SACS: variants seen among roughly 807,000 people sequenced by gnomAD.
The protein encoded by SACS is sacsin molecular chaperone, also known as sacsin.
Under a neutral mutation model 348.0 loss-of-function variants are expected in SACS, and 197 were observed. That is an observed-to-expected ratio of 0.57 (90% CI 0.50 to 0.64). The LOEUF (loss-of-function observed/expected upper bound fraction) is 0.64. Among genes scored for constraint, SACS ranks in the 30% least tolerant of loss-of-function variants. SACS has a pLI of 0.00. For missense variants in SACS, 4,999 were observed against 5,360.8 expected (o/e 0.93, Z 2.11); for synonymous variants, 1,985 against 1,910.6 (o/e 1.04, Z -1.02).
At chr13:23,388,899 T>A (rs1872416562) in intron 2 of SACS, among the ~76,000 whole-genome samples, 1 of 152,048 alleles carries the variant, frequency 6.6e-6, no homozygotes. Context: ...TAAATAAATT[T>A]AATATAGTAT....
rs1407880633 is a variant in SACS at position 23,332,530 on chromosome 13, T to C, written c.11346A>G (p.Ala3782=). The C allele has an allele frequency of 1.2e-5, 20 of 1,613,870 alleles. No individual in the cohort carries two copies. The highest frequency in any genetic ancestry group is 2.2e-5 in the East Asian group (1 of 44,890). ...VLRSIYEFLS[A]EKREFRFQLR... is the part of the protein sequence containing the mutation. ...ACTGAAAACGAAATTCCCTTTTTTC[T>C]GCACTGAGGAATTCATATATGCTCC... The change falls in exon 10 of 10, where the codon GCA becomes GCG. Residue 3782 remains alanine (A), a synonymous_variant. Coordinates refer to ENST00000382292, the MANE Select transcript of SACS (RefSeq NM_014363.6).
At chr13:23,403,177 TA>T (rs879882036) in intron 2 of SACS, among the ~76,000 whole-genome samples, 453 of 138,726 alleles carry the variant, frequency 3.3e-3, no homozygotes, top group Middle Eastern at 3.7e-3. Flanking sequence ...GACTCCACCT[TA>T]AAAAAAAAAA....
intron 7 of SACS, among the ~76,000 whole-genome samples, chr13:23,357,496 G>A (rs559206459): frequency 6.6e-6 from 1 of 152,288 alleles, no homozygotes; most frequent in African/African-American, 2.4e-5. Flanking sequence ...CAGGCCAGTA[G>A]TCTGAGAATA....
Position 23,365,149 on chromosome 13 carries a change from T to A in SACS, c.457+17A>T. The stretch of plus-strand genomic sequence containing the variant: ...TAGTGCATACAATAAAATTTGTTCC[T>A]AATTATTGATTCTTACCCTGATATG... On this transcript the variant is annotated intron_variant, in intron 6 of 9. Coordinates refer to ENST00000382292, the MANE Select transcript of SACS (RefSeq NM_014363.6). 1 of 1,542,708 alleles carries A rather than the reference T, an allele frequency of 6.5e-7. No individual in the cohort carries two copies. The highest frequency in any genetic ancestry group is 8.9e-7 in the Non-Finnish European group (1 of 1,119,508).
Position 23,330,119 on chromosome 13 carries a change from T to C in SACS, c.*17A>G, listed in dbSNP as rs1883371354. The C allele has an allele frequency of 1.2e-6, 2 of 1,607,842 alleles. No homozygotes were observed. The highest frequency in any genetic ancestry group is 1.7e-5 in the Admixed American group (1 of 59,960). On this transcript the variant is annotated 3_prime_UTR_variant, in exon 10 of 10. Transcript: ENST00000382292. ...TACAACACATTCAAGATCTACCTTTTTTTTCGTTAAATATCTTCACACTTT... is the reference window on the plus strand; with the variant it reads ...TACAACACATTCAAGATCTACCTTTCTTTTCGTTAAATATCTTCACACTTT...
rs1225116424 is a variant in SACS, at chr13:23,355,374, T to G, written c.1238A>C (p.Glu413Ala). ...TCCAATGATTGGGACAAATTTCAGT[T>G]CATCAGCTAAAGAGTCAAGCTTACT... Reference protein sequence around the residue: ...ISSKLDSLADELKFVPIIGIA... With the variant: ...ISSKLDSLADALKFVPIIGIA... Residue 413 changes from glutamate to alanine, a missense_variant, in exon 8 of 10, where the codon GAA becomes GCA. Around this residue, in one of 6 missense-constraint regions of SACS, gnomAD observed 3,156 missense variants for 3,380.1 expected, o/e 0.93. Coordinates refer to ENST00000382292, the MANE Select transcript of SACS (RefSeq NM_014363.6). 1 of 1,614,002 alleles carries G rather than the reference T, an allele frequency of 6.2e-7. No homozygotes were observed. Among genetic ancestry groups the G allele is most frequent in the Admixed American group, 1.7e-5 (1 of 59,986 alleles).
Position 23,338,057 on chromosome 13 carries a change from T to A in SACS, c.5819A>T (p.Tyr1940Phe). ...ATCGGGCCATACTGCATAGTAAGTA[T>A]AATCCATTAGCTCCCCACTAGTGGC... ...DLATSGELMD[Y>F]TYYAVWPDPD... The change falls in exon 10 of 10, where the codon TAT becomes TTT. Residue 1940 changes from tyrosine to phenylalanine, a missense_variant. Around this residue, in one of 6 missense-constraint regions of SACS, gnomAD observed 3,156 missense variants for 3,380.1 expected, o/e 0.93. Transcript: ENST00000382292. 6.2e-7 allele frequency: 1 copy of A among 1,613,892 alleles called. No homozygotes were observed. Among genetic ancestry groups the A allele is most frequent in the Non-Finnish European group, 8.5e-7 (1 of 1,179,882 alleles).
rs1253142492 is a variant in SACS at position 23,341,502 on chromosome 13, C to G, written c.2374G>C (p.Glu792Gln). 23 of 1,613,898 alleles carry G rather than the reference C, an allele frequency of 1.4e-5. No individual in the cohort carries two copies. The highest frequency in any genetic ancestry group is 1.9e-5 in the Non-Finnish European group (22 of 1,179,964). The change falls in exon 10 of 10, where the codon GAG becomes CAG. Residue 792 changes from glutamate to glutamine, a missense_variant. This residue lies in a region of SACS where 3,156 missense variants were observed against 3,380.1 expected (regional missense o/e 0.93). Transcript: ENST00000382292. ...ATCTCATCAAATAAAGTCAAATCCT[C>G]TGAAAAATGTATATAAAGATTTTTC... ...VWKNLYIHFSEDLTLFDEMPL... is the reference protein window; with the variant it reads ...VWKNLYIHFSQDLTLFDEMPL...
chr13:23,422,812 G>A (rs1874009886), intron 1 of SACS, among the ~76,000 whole-genome samples: 1 of 152,012 alleles, frequency 6.6e-6, no homozygotes, highest in South Asian at 2.1e-4. Context: ...AGAAACCTGT[G>A]TTTCTGTTAA....
intron 2 of SACS, among the ~76,000 whole-genome samples, chr13:23,401,649 A>T (rs955698505): frequency 2.0e-5 from 3 of 152,188 alleles, no homozygotes; most frequent in Admixed American, 1.3e-4. Context: ...AAATAACAAA[A>T]TTTCCTTGTC....
Position 23,338,081 on chromosome 13 carries a change from G to A in SACS, c.5795C>T (p.Ala1932Val). The A allele has an allele frequency of 6.2e-7, 1 of 1,613,900 alleles. No homozygotes were observed. Among genetic ancestry groups the A allele is most frequent in the East Asian group, 2.2e-5 (1 of 44,884 alleles). The change falls in exon 10 of 10, where the codon GCC (alanine) becomes GTC (valine). Residue 1932 changes from alanine (A) to valine (V), a missense_variant. This residue lies in a region of SACS where 3,156 missense variants were observed against 3,380.1 expected (regional missense o/e 0.93). Transcript: ENST00000382292. ...LQVLSVLRDLATSGELMDYTY... is the reference protein window; with the variant it reads ...LQVLSVLRDLVTSGELMDYTY... ...ATAATCCATTAGCTCCCCACTAGTG[G>A]CCAGGTCCCGTAAGACACTCAGTAC...
At position 23,339,964 on chromosome 13, in the gene SACS, C is replaced by A. The variant is rs753675356; in HGVS notation, c.3912G>T (p.Leu1304Phe). ...TTGCCATGGTTTTAGGTACATTATG[C>A]AAATAAGGCTGAAGGTCAAGATCAT... ...PIHDLDLQPY[L>F]HNVPKTMAKF... Residue 1304 changes from leucine (L) to phenylalanine (F), a missense_variant, in exon 10 of 10, where the codon TTG becomes TTT. Leu to Phe is a conservative substitution (Grantham distance 22). Coordinates refer to ENST00000382292, the MANE Select transcript of SACS (RefSeq NM_014363.6). The A allele has an allele frequency of 5.0e-6, 8 of 1,613,354 alleles. No individual in the cohort carries two copies. In the Admixed American group the frequency reaches 1.3e-4, roughly 27 times the overall value.
At position 23,341,021 on chromosome 13, in the gene SACS, T is replaced by C. The variant is rs759479715; in HGVS notation, c.2855A>G (p.His952Arg). The change falls in exon 10 of 10, where the codon CAT (histidine) becomes CGT (arginine). Residue 952 changes from histidine to arginine, a missense_variant. His to Arg is a conservative substitution (Grantham distance 29, BLOSUM62 0). Coordinates refer to ENST00000382292, the MANE Select transcript of SACS (RefSeq NM_014363.6). ...CAGATCTGCTGGGAGTTTGGCAGTA[T>C]GGTGTAAGACTTTACAACCTTTCAA... ...TKLKGCKVLH[H>R]TAKLPADLRL... 3 of 1,613,990 alleles carry C rather than the reference T, an allele frequency of 1.9e-6. No individual in the cohort carries two copies. The highest frequency in any genetic ancestry group is 1.3e-5 in the African/African-American group (1 of 74,938).
chr13:23,374,437 G>A (rs1015011589), intron 3 of SACS, among the ~76,000 whole-genome samples: 2 of 152,064 alleles, frequency 1.3e-5, no homozygotes, highest in African/African-American at 4.8e-5. Flanking sequence ...TTTAAATGCT[G>A]GAAATGATGT....
At position 23,341,557 on chromosome 13, in the gene SACS, G is replaced by A. The variant is rs754265370; in HGVS notation, c.2319C>T (p.His773=). Residue 773 remains histidine, a synonymous_variant, in exon 10 of 10, where the codon CAC becomes CAT. Transcript: ENST00000382292. ...CCATCTTAAGCCATGAAACAGATGGGTGATTTCTGTTTTCATCAAATGGAT... is the reference window on the plus strand; with the variant it reads ...CCATCTTAAGCCATGAAACAGATGGATGATTTCTGTTTTCATCAAATGGAT... ...QWYPFDENRN[H]PSVSWLKMVW... is the part of the protein sequence containing the mutation. 1 of 1,614,010 alleles carries A rather than the reference G, an allele frequency of 6.2e-7. No homozygotes were observed. The highest frequency in any genetic ancestry group is 8.5e-7 in the Non-Finnish European group (1 of 1,179,960).
chr13:23,334,566 T>C lies in SACS; in HGVS notation c.9310A>G (p.Thr3104Ala), dbSNP rs773323734. The change falls in exon 10 of 10, where the codon ACA (threonine) becomes GCA (alanine). Residue 3104 changes from threonine to alanine, a missense_variant. Coordinates refer to ENST00000382292, the MANE Select transcript of SACS (RefSeq NM_014363.6). ...TPADIRSFLMTFSSPDTNCHI... is the reference protein window; with the variant it reads ...TPADIRSFLMAFSSPDTNCHI... Reference sequence around the variant, plus strand: ...CAATTAGTGTCAGGAGAGGAAAATGTCATTAAAAAAGATCTGATATCAGCA... The same window carrying C: ...CAATTAGTGTCAGGAGAGGAAAATGCCATTAAAAAAGATCTGATATCAGCA... The C allele has an allele frequency of 1.4e-5, 22 of 1,613,364 alleles. No homozygotes were observed. In the Middle Eastern group the frequency reaches 8.2e-4, roughly 60 times the overall value.
At chr13:23,379,997 A>G (rs1871977965) in intron 2 of SACS, among the ~76,000 whole-genome samples, 1 of 151,874 alleles carries the variant, frequency 6.6e-6, no homozygotes, top group South Asian at 2.1e-4. Context: ...TCCAGAGCTC[A>G]GCTCCCAGCC....
chr13:23,333,709 C>T lies in SACS; in HGVS notation c.10167G>A (p.Met3389Ile). The change falls in exon 10 of 10, where the codon ATG (methionine) becomes ATA (isoleucine). Residue 3389 changes from methionine to isoleucine, a missense_variant. Physicochemically the swap from Met to Ile is conservative, Grantham distance 10. Coordinates refer to ENST00000382292, the MANE Select transcript of SACS (RefSeq NM_014363.6). ...AATGATTCAAATTGCAGTTGAAATA[C>T]ATCAAAAGTGCCTCAAAATCATTTT... ...LVENDFEALL[M>I]YFNCNLNHLM... is the part of the protein sequence containing the mutation. 4 of 1,613,760 alleles carry T rather than the reference C, an allele frequency of 2.5e-6. No homozygotes were observed. The highest frequency in any genetic ancestry group is 3.4e-6 in the Non-Finnish European group (4 of 1,179,748).
Position 23,355,468 on chromosome 13 carries a change from CCTCTT to C in SACS, c.1139_1143del (p.Glu380GlyfsTer4), listed in dbSNP as rs758456319. 3 of 1,614,124 alleles carry C rather than the reference CCTCTT, an allele frequency of 1.9e-6. No homozygotes were observed. The highest frequency in any genetic ancestry group is 2.5e-6 in the Non-Finnish European group (3 of 1,179,964). On this transcript the variant is annotated frameshift_variant, in exon 8 of 10. Transcript: ENST00000382292. LOFTEE classifies it high-confidence loss of function. The stretch of plus-strand genomic sequence containing the variant: ...GTTTTCTGTGCATCCTTAGTACTCT[CCTCTT>C]CTAAAACAATATTTACGTGATATGT...
Sources: allele counts gnomAD v4.1 joint callset (sites outside exome capture counted in the v4.1 genomes callset), GRCh38; gene constraint gnomAD v4.1.1; regional missense constraint gnomAD v4.1.1; transcripts MANE v1.5; gene names NCBI Gene and HGNC (gene_info 2026-07-23, HGNC 2026-07-21).